Variants in AP2A1 observed in about 807,000 individuals in gnomAD.
AP2A1 encodes AP-2 complex subunit alpha-1.
AP2A1 carries 21 observed loss-of-function variants against 107.3 expected under a neutral mutation model. The ratio of observed to expected loss-of-function variants is 0.20; its 90% CI spans 0.14 to 0.28. The LOEUF (loss-of-function observed/expected upper bound fraction) is 0.28, where lower values mean the gene tolerates loss of function less well. Ranked by LOEUF, AP2A1 falls within the 10% of genes least tolerant of loss-of-function variation. The pLI is 1.00. For synonymous variants in AP2A1, 602 were observed against 564.8 expected, an observed-to-expected ratio of 1.07 and a Z score of -0.93; for missense variants, 873 against 1,307.7, an observed-to-expected ratio of 0.67 and a Z score of 5.13.
At chr19:49,806,597 C>A in intron 22 of AP2A1, 84 bp from the exon 23 acceptor site, 1 of 1,544,480 alleles carries the variant, frequency 6.5e-7, no homozygotes, top group Admixed American at 1.9e-5. Context: ...CCCCTTTATC[C>A]TTCCTTCCTT....
chr19:49,800,481 G>A (rs1197237861), intron 11 of AP2A1, among the ~76,000 whole-genome samples: 1 of 152,106 alleles, frequency 6.6e-6, no homozygotes, highest in African/African-American at 2.4e-5. Context: ...TTCTGGAGAC[G>A]GAGTCTCACT....
intron 1 of AP2A1, among the ~76,000 whole-genome samples, chr19:49,780,740 G>C (rs2084665656): frequency 6.6e-6 from 1 of 152,174 alleles, no homozygotes; most frequent in Admixed American, 6.5e-5. Flanking sequence ...GCTGGGCACA[G>C]TGGCTCATAC....
intron 4 of AP2A1, among the ~76,000 whole-genome samples, chr19:49,783,237 G>A (rs368665943): frequency 6.6e-6 from 1 of 152,146 alleles, no homozygotes; most frequent in African/African-American, 2.4e-5. Flanking sequence ...TCATGTAATC[G>A]CTGCATTTGG....
chr19:49,799,703 G>A lies in AP2A1; in HGVS notation c.1209G>A (p.Lys403=), dbSNP rs531790097. Residue 403 remains lysine, a synonymous_variant, in exon 10 of 23, where the codon AAG becomes AAA. Coordinates refer to ENST00000354293, the MANE Select transcript of AP2A1 (RefSeq NM_130787.3). The part of the protein sequence containing the change: ...LYAMCDRSNA[K]QIVSEMLRYL... ...CCATGTGTGACCGGAGCAATGCCAA[G>A]CAGATCGTGTCGGAGATGCTGCGGT... 3.1e-6 allele frequency: 5 copies of A among 1,613,364 alleles called. No individual in the cohort carries two copies. Among genetic ancestry groups the A allele is most frequent in the Admixed American group, 1.7e-5 (1 of 60,028 alleles).
chr19:49,804,621 C>T (rs2073337565), intron 18 of AP2A1: 1 of 151,928 alleles, frequency 6.6e-6, no homozygotes, highest in Non-Finnish European at 1.5e-5. Context: ...GACAAAAGAA[C>T]ATGAGACCCA....
intron 22 of AP2A1, 163 bp downstream of exon 22, chr19:49,806,416 C>T: frequency 2.8e-6 from 4 of 1,436,180 alleles, no homozygotes; most frequent in Non-Finnish European, 3.6e-6. Context: ...TCAGTTTAAT[C>T]TCCTGTCTCC....
At chr19:49,772,653 G>A (rs1025748240) in intron 1 of AP2A1, among the ~76,000 whole-genome samples, 8 of 151,512 alleles carry the variant, frequency 5.3e-5, no homozygotes, top group African/African-American at 1.5e-4. Context: ...CCGCCAACAC[G>A]CCCGGCTAAT....
At position 49,782,618 on chromosome 19, in the gene AP2A1, C is replaced by T. The variant is rs764811826; in HGVS notation, c.367C>T (p.Arg123Cys). ...NNAIKNDLAS[R>C]NPTFMCLALH... The stretch of plus-strand genomic sequence containing the variant: ...CGCCATCAAGAATGACCTGGCCAGC[C>T]GCAACCCCACCTTCATGTGCCTGGC... Residue 123 changes from arginine to cysteine, a missense_variant, in exon 4 of 23, where the codon CGC becomes TGC. Physicochemically the swap from Arg to Cys is radical, Grantham distance 180. This residue lies in a region of AP2A1 where 87 missense variants were observed against 178.2 expected (regional missense o/e 0.49). Coordinates refer to ENST00000354293, the MANE Select transcript of AP2A1 (RefSeq NM_130787.3). 6.8e-6 allele frequency: 11 copies of T among 1,613,858 alleles called. No individual in the cohort carries two copies. The highest frequency in any genetic ancestry group is 3.3e-5 in the Admixed American group (2 of 60,006).
chr19:49,771,589 A>G (rs1260770443), intron 1 of AP2A1, among the ~76,000 whole-genome samples: 1 of 151,784 alleles, frequency 6.6e-6, no homozygotes, highest in Non-Finnish European at 1.5e-5. Context: ...TTGTATTTTT[A>G]GTAGAGACAG....
At chr19:49,772,142 C>A (rs2084565286) in intron 1 of AP2A1, among the ~76,000 whole-genome samples, 1 of 151,980 alleles carries the variant, frequency 6.6e-6, no homozygotes, top group African/African-American at 2.4e-5. Context: ...GCTGCAACCT[C>A]CTCCTCCTGG....
intron 22 of AP2A1, 30 bp downstream of exon 22, chr19:49,806,283 G>A (rs1377141244): frequency 1.0e-5 from 16 of 1,568,692 alleles, no homozygotes; most frequent in African/African-American, 1.4e-5. Context: ...GCCTGAGGCC[G>A]GCAGGAAGGC....
At chr19:49,775,601 C>T (rs2084609930) in intron 1 of AP2A1, among the ~76,000 whole-genome samples, 1 of 152,204 alleles carries the variant, frequency 6.6e-6, no homozygotes, top group South Asian at 2.1e-4. Context: ...AGGTATGAGC[C>T]TGTGTTACCC....
Position 49,767,070 on chromosome 19 carries a change from G to A in AP2A1, c.-64G>A. 2.6e-6 allele frequency: 4 copies of A among 1,538,214 alleles called. No individual in the cohort carries two copies. The highest frequency in any genetic ancestry group is 1.9e-5 in the Admixed American group (1 of 52,958). ...CTGGGGTCCTTTCCGCCCGGTCCCCGCTTGCCAGCCCCCGCTGCTCTGTGC... is the reference window on the plus strand; with the variant it reads ...CTGGGGTCCTTTCCGCCCGGTCCCCACTTGCCAGCCCCCGCTGCTCTGTGC... On this transcript the variant is annotated 5_prime_UTR_variant, in exon 1 of 23. Coordinates refer to ENST00000354293, the MANE Select transcript of AP2A1 (RefSeq NM_130787.3).
rs768988868 is a variant in AP2A1 at position 49,805,469 on chromosome 19, C to A, written c.2361C>A (p.Thr787=). 1.7e-5 allele frequency: 26 copies of A among 1,548,966 alleles called. No individual in the cohort carries two copies. The highest frequency in any genetic ancestry group is 2.3e-5 in the Non-Finnish European group (26 of 1,145,852). Reference sequence around the variant, plus strand: ...GGCGGGCACAGCTGGCTGTGCAGACCAAGCGCGTGGCGGCGCAGGTGGACG... The same window carrying A: ...GGCGGGCACAGCTGGCTGTGCAGACAAAGCGCGTGGCGGCGCAGGTGGACG... ...GDLQTQLAVQ[T]KRVAAQVDGG... Residue 787 remains threonine, a synonymous_variant, in exon 19 of 23, where the codon ACC becomes ACA. Coordinates refer to ENST00000354293, the MANE Select transcript of AP2A1 (RefSeq NM_130787.3).
At chr19:49,796,013 A>C in intron 7 of AP2A1, 1 of 429,550 alleles carries the variant, frequency 2.3e-6, no homozygotes, top group South Asian at 3.2e-5. Flanking sequence ...AGGGACTGTT[A>C]ACTGTGCCTG....
chr19:49,780,771 G>A (rs925815228), intron 1 of AP2A1, among the ~76,000 whole-genome samples: 2 of 152,136 alleles, frequency 1.3e-5, no homozygotes, highest in Admixed American at 6.6e-5. Context: ...AGCATTTTGG[G>A]AGGCTGAGGT....
At chr19:49,780,066 C>A (rs2084658111) in intron 1 of AP2A1, among the ~76,000 whole-genome samples, 1 of 152,242 alleles carries the variant, frequency 6.6e-6, no homozygotes, top group African/African-American at 2.4e-5. Context: ...GCACACCCCA[C>A]CCTGCTGGGG....
chr19:49,798,382 G>C (rs1270336716), intron 7 of AP2A1, among the ~76,000 whole-genome samples: 1 of 152,162 alleles, frequency 6.6e-6, no homozygotes, highest in African/African-American at 2.4e-5. Context: ...GTGCATTTTT[G>C]TCAGGGGCTG....
chr19:49,801,684 C>T, intron 13 of AP2A1, 38 bp from the exon 14 acceptor site: 4 of 1,530,680 alleles, frequency 2.6e-6, no homozygotes, highest in Non-Finnish European at 3.5e-6. Flanking sequence ...TCCCCTCCTC[C>T]TGACCCGAAC....
Sources: allele counts gnomAD v4.1 joint callset (sites outside exome capture counted in the v4.1 genomes callset), GRCh38; gene constraint gnomAD v4.1.1; regional missense constraint gnomAD v4.1.1; transcripts MANE v1.5; gene names NCBI Gene and HGNC (gene_info 2026-07-23, HGNC 2026-07-21).